The following NBEA variants were observed in gnomAD, a reference collection of about 807,000 sequenced individuals.
The protein encoded by NBEA is lysosomal-trafficking regulator 2.
In NBEA, 44 loss-of-function variants were observed where a neutral mutation model predicts 343.4. The observed-to-expected ratio is 0.13, with a 90% CI of 0.10 to 0.16. NBEA has a LOEUF of 0.16. Among genes scored for constraint, NBEA ranks in the 10% least tolerant of loss-of-function variants. NBEA has a pLI of 1.00. For synonymous variants in NBEA, 1,175 were observed against 1,238.7 expected, an observed-to-expected ratio of 0.95 and a Z score of 1.08; for missense variants, 2,555 against 3,631.3, an observed-to-expected ratio of 0.70 and a Z score of 7.62.
At chr13:35,361,893 G>T (rs1254154153) in intron 38 of NBEA, among the ~76,000 whole-genome samples, 1 of 151,934 alleles carries the variant, frequency 6.6e-6, no homozygotes, top group Non-Finnish European at 1.5e-5. Context: ...AACACCTGAG[G>T]GAGGATTTAA....
chr13:35,450,503 A>G (rs1462282070), intron 39 of NBEA, among the ~76,000 whole-genome samples: 2 of 151,960 alleles, frequency 1.3e-5, no homozygotes, highest in African/African-American at 4.8e-5. Context: ...CAACAACAAA[A>G]TGGTTGAGCA....
chr13:35,414,210 A>G (rs923904247), intron 38 of NBEA, among the ~76,000 whole-genome samples: 2 of 150,626 alleles, frequency 1.3e-5, no homozygotes, highest in Admixed American at 1.3e-4. Flanking sequence ...ACAAATTATT[A>G]ATAATAGTCA....
chr13:35,465,372 A>C (rs1051367302), intron 40 of NBEA, among the ~76,000 whole-genome samples: 1 of 152,186 alleles, frequency 6.6e-6, no homozygotes, highest in African/African-American at 2.4e-5. Flanking sequence ...CAGACTTTTA[A>C]ACACATATAT....
intron 1 of NBEA, among the ~76,000 whole-genome samples, chr13:34,953,872 A>C (rs1231065464): frequency 6.6e-6 from 1 of 152,208 alleles, no homozygotes; most frequent in Non-Finnish European, 1.5e-5. Context: ...CTGTCAGATC[A>C]GCAGTGCCGT....
At chr13:35,232,146 G>T (rs150599596) in intron 33 of NBEA, among the ~76,000 whole-genome samples, 1 of 152,240 alleles carries the variant, frequency 6.6e-6, no homozygotes, top group African/African-American at 2.4e-5. Flanking sequence ...GACCCACATT[G>T]TCAGTGTTCC....
intron 36 of NBEA, among the ~76,000 whole-genome samples, chr13:35,343,144 T>A (rs1256711985): frequency 6.6e-6 from 1 of 152,244 alleles, no homozygotes; most frequent in South Asian, 2.1e-4. Flanking sequence ...GAAAAATTGT[T>A]AGTGAAGAAC....
chr13:35,530,139 A>G (rs2152997892), intron 41 of NBEA, among the ~76,000 whole-genome samples: 1 of 152,232 alleles, frequency 6.6e-6, no homozygotes, highest in East Asian at 1.9e-4. Context: ...ATGAAGTAAC[A>G]TGGATTGCGT....
intron 34 of NBEA, among the ~76,000 whole-genome samples, chr13:35,269,151 C>T (rs1397766404): frequency 6.6e-6 from 1 of 152,084 alleles, no homozygotes; most frequent in Non-Finnish European, 1.5e-5. Context: ...GTTACATACC[C>T]ATAAACTCTT....
chr13:35,365,758 G>C (rs886276698), intron 38 of NBEA, among the ~76,000 whole-genome samples: 1 of 151,590 alleles, frequency 6.6e-6, no homozygotes, highest in East Asian at 1.9e-4. Context: ...TGTTAAAAAG[G>C]TTTAGAAATT....
Position 35,298,286 on chromosome 13 carries a change from AG to A in NBEA, c.5838+7837del, listed in dbSNP as rs200165783. Among the ~76,000 whole-genome samples the A allele has an allele frequency of 8.8e-3, 1,298 of 147,220 alleles. 19 individuals carry two copies. Among genetic ancestry groups the A allele is most frequent in the African/African-American group, 0.031 (1,227 of 40,038 alleles). On this transcript the variant is annotated intron_variant, in intron 35 of 58. Transcript: ENST00000379939. ...TTTTTTAATTTTAATGTAGTCCAAAAGTACAAGAAGCTGTTTCAGAGGTCAA... is the reference window on the plus strand; with the variant it reads ...TTTTTTAATTTTAATGTAGTCCAAAATACAAGAAGCTGTTTCAGAGGTCAA...
rs111953029 is a variant in NBEA at position 35,512,749 on chromosome 13, T to C, written c.6586-37728T>C. 9.7e-3 allele frequency among the ~76,000 whole-genome samples: 1,470 copies of C among 152,302 alleles called. 9 individuals are homozygous for C. The highest frequency in any genetic ancestry group is 0.014 in the Non-Finnish European group (959 of 68,012). On this transcript the variant is annotated intron_variant, in intron 41 of 58. Transcript: ENST00000379939. ...TCTGACTCATTCTACTCCTATTTTT[T>C]AGTCAGGCCAAACCACGGACTATTG...
intron 41 of NBEA, among the ~76,000 whole-genome samples, chr13:35,536,669 T>TAGATAGATAGATAGAC (rs1555295329): frequency 5.3e-5 from 8 of 151,656 alleles, no homozygotes; most frequent in African/African-American, 1.9e-4. Context: ...GATAGATAGA[T>TAGATAGATAGATAGAC]AGACAGACAG....
At chr13:35,492,770 T>C (rs2076544773) in intron 41 of NBEA, among the ~76,000 whole-genome samples, 1 of 151,892 alleles carries the variant, frequency 6.6e-6, no homozygotes, top group Non-Finnish European at 1.5e-5. Context: ...ATTATACAAC[T>C]AGGCCTCAGT....
At chr13:35,444,410 A>G (rs771890556) in intron 39 of NBEA, among the ~76,000 whole-genome samples, 3 of 152,050 alleles carry the variant, frequency 2.0e-5, no homozygotes, top group Non-Finnish European at 4.4e-5. Flanking sequence ...CAAAGTATTC[A>G]TGTAATTAAT....
In NBEA at chr13:35,667,467, C is replaced by A; in HGVS notation, c.8558C>A (p.Ser2853Tyr). Residue 2853 changes from serine to tyrosine, a missense_variant, in exon 57 of 59, where the codon TCC becomes TAC. Physicochemically the swap from Ser to Tyr is moderately radical, Grantham distance 144 (BLOSUM62 -2). Transcript: ENST00000379939. The stretch of plus-strand genomic sequence containing the variant: ...TTATTCCCACGCTTGATATCTGTCT[C>A]CAGCGAAGGCCACTGTATCATATAC... ...NCLFPRLISV[S>Y]SEGHCIIYYE... 2 of 1,613,970 alleles carry A rather than the reference C, an allele frequency of 1.2e-6. No individual in the cohort carries two copies. Among genetic ancestry groups the A allele is most frequent in the Non-Finnish European group, 1.7e-6 (2 of 1,179,870 alleles).
At chr13:35,158,143 C>G (rs1170854891) in intron 21 of NBEA, among the ~76,000 whole-genome samples, 2 of 151,990 alleles carry the variant, frequency 1.3e-5, no homozygotes, top group Non-Finnish European at 2.9e-5. Flanking sequence ...TCCCATGGGC[C>G]TTATGTTACC....
At chr13:35,475,145 G>C in intron 41 of NBEA, 3 of 1,614,108 alleles carry the variant, frequency 1.9e-6, no homozygotes, top group Non-Finnish European at 2.5e-6. Flanking sequence ...AGAGCTGAGT[G>C]AGGTTTGCCT....
intron 39 of NBEA, among the ~76,000 whole-genome samples, chr13:35,446,978 A>G (rs974977071): frequency 1.2e-4 from 18 of 152,104 alleles, no homozygotes; most frequent in Non-Finnish European, 2.1e-4. Flanking sequence ...AGCCACACAT[A>G]TGATTTATAG....
chr13:35,418,158 G>A (rs939423800), intron 38 of NBEA, among the ~76,000 whole-genome samples: 1 of 152,088 alleles, frequency 6.6e-6, no homozygotes, highest in Non-Finnish European at 1.5e-5. Flanking sequence ...TGTGTCTCCT[G>A]AATACAGCAC....
Sources: gnomAD v4.1 joint callset for allele counts (sites outside exome capture counted in the v4.1 genomes callset) on GRCh38, gnomAD v4.1.1 for gene constraint, MANE v1.5 for transcripts, NCBI Gene and HGNC (gene_info 2026-07-23, HGNC 2026-07-21) for gene names.